EVC: variants seen among roughly 807,000 people sequenced by gnomAD.
EVC encodes the protein EvC ciliary complex subunit 1, also known as evC complex member EVC.
Under a neutral mutation model 118.9 loss-of-function variants are expected in EVC, and 116 were observed. That is an observed-to-expected ratio of 0.98 (90% CI 0.84 to 1.14). The LOEUF is 1.14. Ranked by LOEUF, EVC falls within the 50% of genes most tolerant of loss-of-function variation. The pLI is 0.00. For missense variants in EVC, 1,401 were observed against 1,246.4 expected (o/e 1.12, Z -1.87); for synonymous variants, 619 against 534.7 (o/e 1.16, Z -2.18).
intron 12 of EVC, among the ~76,000 whole-genome samples, chr4:5,791,006 A>G (rs6812534): frequency 0.22 from 32,693 of 151,928 alleles, 3,783 homozygotes; most frequent in Non-Finnish European, 0.24. Flanking sequence ...GAGGCAGGAG[A>G]ATCGCTTGAA....
chr4:5,824,677 T>C, the EVC span: 1 of 965,338 alleles, frequency 1.0e-6, no homozygotes. Context: ...GTTGACATCC[T>C]AGATGTTGCC....
At chr4:5,796,957 G>A in intron 13 of EVC, 65 bp from the exon 14 acceptor site, 1 of 1,235,814 alleles carries the variant, frequency 8.1e-7, no homozygotes, top group South Asian at 1.2e-5. Flanking sequence ...GCTGTTTGGG[G>A]AGCTTGTCAC....
intron 19 of EVC, among the ~76,000 whole-genome samples, 166 bp from the exon 20 acceptor site, chr4:5,810,173 T>C (rs1716659952): frequency 6.6e-6 from 1 of 152,204 alleles, no homozygotes; most frequent in African/African-American, 2.4e-5. Context: ...TTCCCAGGCC[T>C]CAGTTTCCTC....
chr4:5,825,846 TACAC>T, the EVC span: 25 of 596,286 alleles, frequency 4.2e-5, no homozygotes, highest in Non-Finnish European at 6.0e-5. This position sits in a 1 kb window ranked among gnomAD's most constrained non-coding sequence, Gnocchi z 4.4. Context: ...CAGGCATTCA[TACAC>T]ACAAGCATGC....
chr4:5,760,752 A>G (rs1731879681), intron 11 of EVC, among the ~76,000 whole-genome samples: 1 of 152,098 alleles, frequency 6.6e-6, no homozygotes, highest in Non-Finnish European at 1.5e-5. Context: ...GGGTTTCACC[A>G]CGTTGGTCAG....
intron 9 of EVC, 103 bp downstream of exon 9, chr4:5,753,155 G>A: frequency 8.9e-7 from 1 of 1,125,822 alleles, no homozygotes; most frequent in South Asian, 1.3e-5. Flanking sequence ...TGCCCATGAT[G>A]CCGGGCACAG....
At chr4:5,783,435 G>A in intron 11 of EVC, 117 bp from the exon 12 acceptor site, 1 of 975,262 alleles carries the variant, frequency 1.0e-6, no homozygotes, top group Non-Finnish European at 1.7e-6. Context: ...GAGAGTTCCT[G>A]TCTGTGGATC....
the EVC span, among the ~76,000 whole-genome samples, chr4:5,823,654 T>G: frequency 5.3e-5 from 8 of 152,210 alleles, no homozygotes; most frequent in Admixed American, 4.6e-4. Flanking sequence ...CACCTCTGCC[T>G]TCTTCCTCTG....
chr4:5,811,048 G>T lies in EVC; in HGVS notation c.*11G>T, dbSNP rs959880896. 6 of 1,606,278 alleles carry T rather than the reference G, an allele frequency of 3.7e-6. No homozygotes were observed. The African/African-American group carries it at 8.0e-5, about 22-fold the overall frequency. On this transcript the variant is annotated 3_prime_UTR_variant, in exon 21 of 21. Coordinates refer to ENST00000264956, the MANE Select transcript of EVC (RefSeq NM_153717.3). The stretch of plus-strand genomic sequence containing the variant: ...AGAAGCAACTTGTAGTTTAAGACCA[G>T]TCGGTGGGACAAGACCTGAAGCCCT...
intron 4 of EVC, 70 bp from the exon 5 acceptor site, chr4:5,733,281 C>T (rs1331547169): frequency 1.0e-5 from 13 of 1,265,844 alleles, no homozygotes; most frequent in African/African-American, 5.9e-5. Flanking sequence ...TGATGAGGGA[C>T]GTGCCAATAT....
At chr4:5,730,093 C>T (rs566258081) in intron 3 of EVC, among the ~76,000 whole-genome samples, 22 of 152,284 alleles carry the variant, frequency 1.4e-4, no homozygotes, top group African/African-American at 3.9e-4. Flanking sequence ...GTCCTAACCC[C>T]ATCTCAGCCA....
intron 2 of EVC, among the ~76,000 whole-genome samples, chr4:5,726,568 C>CTTTTTTTTT (rs34483285): frequency 1.0e-4 from 14 of 134,432 alleles, no homozygotes; most frequent in South Asian, 2.4e-4. Flanking sequence ...CTTCTCTTTT[C>CTTTTTTTTT]TTTTTTTTTT....
rs1335058978 is a variant in EVC at position 5,794,403 on chromosome 4, TA to T, written c.1886+687del. 3.2e-3 allele frequency among the ~76,000 whole-genome samples: 405 copies of T among 126,714 alleles called. 2 individuals are homozygous for T. Among genetic ancestry groups the T allele is most frequent in the African/African-American group, 8.6e-3 (332 of 38,420 alleles). The allele number at this position is 126,714 out of a possible 152,430, so 83.1% of individuals were successfully genotyped here. On this transcript the variant is annotated intron_variant, in intron 13 of 20. Transcript: ENST00000264956. ...TATATATATATTTTTTATATATATATATATTTTTTTTCTTTTTTCTCGAGAC... is the reference window on the plus strand; with the variant it reads ...TATATATATATTTTTTATATATATATTATTTTTTTTCTTTTTTCTCGAGAC...
chr4:5,782,484 C>G (rs1259270056), intron 11 of EVC, among the ~76,000 whole-genome samples: 1 of 131,402 alleles, frequency 7.6e-6, no homozygotes, highest in Non-Finnish European at 1.6e-5. Context: ...AGCTCCACCT[C>G]CCAGGTTCAC....
chr4:5,765,459 G>T (rs1240877883), intron 11 of EVC, among the ~76,000 whole-genome samples: 1 of 114,406 alleles, frequency 8.7e-6, no homozygotes. Flanking sequence ...GGGTATCCTT[G>T]TTAACTTTCT....
At chr4:5,765,142 G>A (rs1732670781) in intron 11 of EVC, among the ~76,000 whole-genome samples, 1 of 117,044 alleles carries the variant, frequency 8.5e-6, no homozygotes, top group Admixed American at 7.7e-5. Flanking sequence ...CTTTATTTCT[G>A]CCTTCATTTT....
chr4:5,720,359 AG>A (rs1474178823), intron 2 of EVC, among the ~76,000 whole-genome samples: 1 of 152,118 alleles, frequency 6.6e-6, no homozygotes, highest in Non-Finnish European at 1.5e-5. Flanking sequence ...GAGGAAGCCG[AG>A]GCTCAGAGGT....
the EVC span, chr4:5,824,589 C>T: frequency 5.2e-6 from 5 of 960,092 alleles, no homozygotes; most frequent in Non-Finnish European, 6.2e-6. Context: ...ATCCGGCCCA[C>T]CGCCTGTTTC....
the EVC span, chr4:5,821,758 G>A: frequency 3.1e-4 from 505 of 1,607,544 alleles, no homozygotes; most frequent in Non-Finnish European, 3.9e-4. This position sits in a 1 kb window ranked among gnomAD's most constrained non-coding sequence, Gnocchi z 4.4. Flanking sequence ...GCGCATCCAC[G>A]TTCAACCGAG....
Sources: gnomAD v4.1 joint callset for allele counts (sites outside exome capture counted in the v4.1 genomes callset) on GRCh38, gnomAD v4.1.1 for gene constraint, Gnocchi (gnomAD v3.1) non-coding constraint, MANE v1.5 for transcripts, NCBI Gene and HGNC (gene_info 2026-07-23, HGNC 2026-07-21) for gene names.